The following SUPT3H variants were observed in gnomAD, a reference collection of about 807,000 sequenced individuals.
SUPT3H encodes the protein SPT3 homolog, SAGA and STAGA complex component.
A neutral mutation model predicts 44.3 loss-of-function variants in SUPT3H; 44 were observed. The observed-to-expected ratio is 0.99, with a 90% confidence interval of 0.78 to 1.28. The LOEUF is 1.28. Ranked by LOEUF, SUPT3H falls within the 50% of genes most tolerant of loss-of-function variation. SUPT3H has a pLI of 0.00. For missense variants in SUPT3H, 380 were observed against 387.1 expected (o/e 0.98, Z 0.15); for synonymous variants, 124 against 125.6 (o/e 0.99, Z 0.09).
In SUPT3H at chr6:45,068,745, T is replaced by C. The variant is rs866946339; in HGVS notation, c.186+37177A>G. 2.0e-5 allele frequency among the ~76,000 whole-genome samples: 3 copies of C among 152,070 alleles called. No homozygotes were observed. The South Asian group carries it at 6.2e-4, about 32-fold the overall frequency. Reference sequence around the variant, plus strand: ...TGTAGCTAGTGTGCTTGGCTCCTCATAGTGTGTGGACTTCACACTCATTTT... The same window carrying C: ...TGTAGCTAGTGTGCTTGGCTCCTCACAGTGTGTGGACTTCACACTCATTTT... On this transcript the variant is annotated intron_variant, in intron 3 of 10. Coordinates refer to ENST00000371459, the MANE Select transcript of SUPT3H (RefSeq NM_003599.4).
intron 5 of SUPT3H, 99 bp downstream of exon 5, chr6:45,014,702 T>G: frequency 2.8e-6 from 2 of 726,996 alleles, no homozygotes; most frequent in Non-Finnish European, 4.1e-6. Flanking sequence ...GTAAACAAAA[T>G]TAACTAGTTC....
intron 5 of SUPT3H, 96 bp downstream of exon 5, chr6:45,014,705 A>G (rs1783983412): frequency 2.7e-6 from 2 of 745,544 alleles, no homozygotes; most frequent in African/African-American, 1.8e-5. Flanking sequence ...AACAAAATTA[A>G]CTAGTTCTCC....
chr6:45,375,458 T>G (rs778002262), intron 1 of SUPT3H, among the ~76,000 whole-genome samples: 15 of 152,344 alleles, frequency 9.8e-5, no homozygotes, highest in Middle Eastern at 3.4e-3. Context: ...TTGTATATTA[T>G]GAGCTATTCT....
intron 2 of SUPT3H, among the ~76,000 whole-genome samples, chr6:45,106,622 C>A (rs999084916): frequency 1.3e-5 from 2 of 151,954 alleles, no homozygotes; most frequent in Non-Finnish European, 2.9e-5. Flanking sequence ...CTGCAACCTC[C>A]GCCTCCCGGG....
chr6:45,197,388 A>G (rs1190623844), intron 2 of SUPT3H, among the ~76,000 whole-genome samples: 2 of 151,542 alleles, frequency 1.3e-5, no homozygotes, highest in African/African-American at 4.8e-5. Flanking sequence ...TCTACCAAGG[A>G]ATTTTTAAGT....
chr6:45,219,573 T>C (rs570008353), intron 2 of SUPT3H, among the ~76,000 whole-genome samples: 4 of 152,200 alleles, frequency 2.6e-5, no homozygotes, highest in Admixed American at 2.0e-4. Flanking sequence ...AGTACCAAAA[T>C]ACAACCAGTG....
At chr6:45,022,501 T>C (rs1330630592) in intron 3 of SUPT3H, among the ~76,000 whole-genome samples, 2 of 151,836 alleles carry the variant, frequency 1.3e-5, no homozygotes, top group Non-Finnish European at 2.9e-5. Context: ...CTGTCGTATG[T>C]AGTAGGAAAA....
intron 2 of SUPT3H, among the ~76,000 whole-genome samples, chr6:45,198,814 G>A (rs972563862): frequency 1.3e-5 from 2 of 151,028 alleles, no homozygotes; most frequent in Non-Finnish European, 1.5e-5. Context: ...TCATGAAATA[G>A]CTACCTATTA....
intron 2 of SUPT3H, among the ~76,000 whole-genome samples, chr6:45,231,144 T>C (rs1224730104): frequency 2.0e-5 from 3 of 152,170 alleles, no homozygotes; most frequent in Non-Finnish European, 4.4e-5. Flanking sequence ...GTGATACCAT[T>C]TGAGTCTTTT....
In SUPT3H at chr6:44,920,652, G is replaced by A. The variant is rs112949117; in HGVS notation, c.912+12001C>T. On this transcript the variant is annotated intron_variant, in intron 10 of 10. Coordinates refer to ENST00000371459, the MANE Select transcript of SUPT3H (RefSeq NM_003599.4). ...ACTAGAGAAAACACTATTATTTGTG[G>A]GAAATCCATAATGTATTTTGGCAGA... 9.0e-3 allele frequency among the ~76,000 whole-genome samples: 1,367 copies of A among 152,094 alleles called. 14 individuals carry two copies. Among genetic ancestry groups the A allele is most frequent in the South Asian group, 0.028 (134 of 4,808 alleles).
chr6:44,859,010 G>T (rs962413434), intron 10 of SUPT3H, among the ~76,000 whole-genome samples: 3 of 152,138 alleles, frequency 2.0e-5, no homozygotes, highest in African/African-American at 4.8e-5. Flanking sequence ...AGCACTTCTG[G>T]AATACTGCCA....
intron 3 of SUPT3H, among the ~76,000 whole-genome samples, chr6:45,022,874 T>C (rs1434628140): frequency 6.6e-6 from 1 of 152,028 alleles, no homozygotes; most frequent in African/African-American, 2.4e-5. Flanking sequence ...CAGCCCTCCT[T>C]ATAGAGGAGT....
In SUPT3H at chr6:44,900,477, G is replaced by A. The variant is rs191849462; in HGVS notation, c.912+32176C>T. Among the ~76,000 whole-genome samples the A allele has an allele frequency of 2.0e-3, 312 of 152,360 alleles. 1 individual carries two copies. The highest frequency in any genetic ancestry group is 4.4e-3 in the South Asian group (21 of 4,826). ...CAAGGCGGCAGCAAGGCTGGGGGAG[G>A]GGCGCCTGCCATTGCCGAGGCTTGA... On this transcript the variant is annotated intron_variant, in intron 10 of 10. Transcript: ENST00000371459.
chr6:45,298,962 T>A (rs1000225776), intron 2 of SUPT3H, among the ~76,000 whole-genome samples: 118 of 152,194 alleles, frequency 7.8e-4, no homozygotes, highest in African/African-American at 2.7e-3. Context: ...ATTTTAATCC[T>A]GTGGCAATAA....
At chr6:45,256,512 A>G (rs1273084959) in intron 2 of SUPT3H, among the ~76,000 whole-genome samples, 1 of 152,032 alleles carries the variant, frequency 6.6e-6, no homozygotes, top group Non-Finnish European at 1.5e-5. Flanking sequence ...TCATACCACA[A>G]CAGGAATGAG....
intron 3 of SUPT3H, among the ~76,000 whole-genome samples, chr6:45,086,377 C>T (rs1224535626): frequency 2.0e-5 from 3 of 151,946 alleles, no homozygotes; most frequent in Non-Finnish European, 4.4e-5. Context: ...CTTAGGAACT[C>T]ATAGGAAATG....
chr6:45,299,257 A>T (rs1216015896), intron 2 of SUPT3H, among the ~76,000 whole-genome samples: 1 of 150,542 alleles, frequency 6.6e-6, no homozygotes, highest in East Asian at 2.0e-4. Context: ...GATCACTTGA[A>T]CCCAGGAGGC....
At chr6:44,929,199 A>G (rs1770139324) in intron 10 of SUPT3H, among the ~76,000 whole-genome samples, 1 of 152,156 alleles carries the variant, frequency 6.6e-6, no homozygotes, top group Non-Finnish European at 1.5e-5. Context: ...AAATTCACTT[A>G]CAATTCTTTA....
chr6:45,144,684 G>A (rs1281258661), intron 2 of SUPT3H, among the ~76,000 whole-genome samples: 1 of 151,798 alleles, frequency 6.6e-6, no homozygotes, highest in African/African-American at 2.4e-5. Flanking sequence ...AGAAATAAGG[G>A]GCATCTGAAT....
Sources: gnomAD v4.1 joint callset for allele counts (sites outside exome capture counted in the v4.1 genomes callset) on GRCh38, gnomAD v4.1.1 for gene constraint, MANE v1.5 for transcripts, NCBI Gene and HGNC (gene_info 2026-07-23, HGNC 2026-07-21) for gene names.